NDUFAF2: variants seen among roughly 807,000 people sequenced by gnomAD.
The protein encoded by NDUFAF2 is NADH dehydrogenase [ubiquinone] 1 alpha subcomplex assembly factor 2.
A neutral mutation model predicts 22.8 loss-of-function variants in NDUFAF2; 13 were observed. The observed-to-expected ratio is 0.57, with a 90% CI of 0.37 to 0.91. The LOEUF (loss-of-function observed/expected upper bound fraction) is 0.91, where lower values mean the gene tolerates loss of function less well. Among genes scored for constraint, NDUFAF2 ranks in the 40% least tolerant of loss-of-function variants. The probability of loss-of-function intolerance (pLI) is 0.01; values close to 1 mark genes in which losing one functional copy is unlikely to be tolerated. For missense variants in NDUFAF2, 162 were observed against 195.2 expected (o/e 0.83, Z 1.01); for synonymous variants, 53 against 64.2 (o/e 0.83, Z 0.84).
At chr5:61,125,114 A>G (rs1010833676) in intron 3 of NDUFAF2, among the ~76,000 whole-genome samples, 6 of 152,152 alleles carry the variant, frequency 3.9e-5, no homozygotes, top group South Asian at 2.1e-4. Flanking sequence ...GAGGATTACA[A>G]TTGAACATCA....
At chr5:60,950,821 AT>A (rs1349262992) in intron 1 of NDUFAF2, among the ~76,000 whole-genome samples, 1 of 152,058 alleles carries the variant, frequency 6.6e-6, no homozygotes, top group Non-Finnish European at 1.5e-5. Context: ...AATATCTTGC[AT>A]TAATGTGTCC....
intron 1 of NDUFAF2, among the ~76,000 whole-genome samples, chr5:60,968,776 T>C (rs1750790450): frequency 6.6e-6 from 1 of 152,068 alleles, no homozygotes; most frequent in African/African-American, 2.4e-5. Flanking sequence ...TGTCACCCTG[T>C]TGTGCTATCA....
At chr5:61,094,572 C>T (rs1398973399) in intron 2 of NDUFAF2, among the ~76,000 whole-genome samples, 1 of 152,230 alleles carries the variant, frequency 6.6e-6, no homozygotes, top group African/African-American at 2.4e-5. Flanking sequence ...GCCACTCTGG[C>T]TTTTTGAGTT....
At chr5:61,086,091 C>G (rs1218508735) in intron 2 of NDUFAF2, among the ~76,000 whole-genome samples, 1 of 151,688 alleles carries the variant, frequency 6.6e-6, no homozygotes, top group Non-Finnish European at 1.5e-5. Flanking sequence ...AGCTCTCCAG[C>G]CTGCGTGACA....
chr5:61,094,294 T>C (rs141052540), intron 2 of NDUFAF2, among the ~76,000 whole-genome samples: 1 of 152,184 alleles, frequency 6.6e-6, no homozygotes, highest in African/African-American at 2.4e-5. Context: ...ATACTTGTGA[T>C]TGCATTATGA....
intron 1 of NDUFAF2, among the ~76,000 whole-genome samples, chr5:61,048,421 G>T (rs1751982295): frequency 6.6e-6 from 1 of 152,148 alleles, no homozygotes; most frequent in Non-Finnish European, 1.5e-5. Context: ...CTTTAATCAG[G>T]TAGGATGCCT....
chr5:60,981,031 A>G (rs1750969999), intron 1 of NDUFAF2, among the ~76,000 whole-genome samples: 1 of 152,210 alleles, frequency 6.6e-6, no homozygotes, highest in Non-Finnish European at 1.5e-5. Context: ...CAAAGAGGTA[A>G]TAGAGAACTT....
intron 3 of NDUFAF2, among the ~76,000 whole-genome samples, chr5:61,102,454 G>A (rs1297668483): frequency 6.6e-6 from 1 of 151,958 alleles, no homozygotes; most frequent in East Asian, 1.9e-4. Flanking sequence ...AAATGGTTCT[G>A]GAATAACTTA....
At chr5:61,102,850 A>T (rs1752719395) in intron 3 of NDUFAF2, among the ~76,000 whole-genome samples, 1 of 152,060 alleles carries the variant, frequency 6.6e-6, no homozygotes, top group Non-Finnish European at 1.5e-5. Flanking sequence ...TCTGTAAGAC[A>T]CGTTTTAAGT....
intron 1 of NDUFAF2, among the ~76,000 whole-genome samples, chr5:60,952,530 T>A (rs977361286): frequency 6.6e-6 from 1 of 152,242 alleles, no homozygotes; most frequent in Admixed American, 6.5e-5. Context: ...TTTAATTCTA[T>A]TATATTCAGA....
At chr5:61,056,454 G>A (rs1752090482) in intron 1 of NDUFAF2, among the ~76,000 whole-genome samples, 1 of 152,152 alleles carries the variant, frequency 6.6e-6, no homozygotes, top group Admixed American at 6.5e-5. Context: ...GCCTTTTGGT[G>A]CAATCACAGC....
rs774619156 is a variant in NDUFAF2 at position 60,956,180 on chromosome 5, C to T, written c.127+10798C>T. On this transcript the variant is annotated intron_variant, in intron 1 of 3. Transcript: ENST00000296597. The stretch of plus-strand genomic sequence containing the variant: ...CCTCCCAAAGTGTTGGGATTATAGG[C>T]ATGAGCCACCATGCCTGGCCTCTAT... 7.9e-4 allele frequency among the ~76,000 whole-genome samples: 120 copies of T among 152,212 alleles called. 2 individuals are homozygous for T. Among genetic ancestry groups the T allele is most frequent in the Middle Eastern group, 3.4e-3 (1 of 294 alleles).
intron 1 of NDUFAF2, among the ~76,000 whole-genome samples, chr5:60,957,059 G>A (rs1161990763): frequency 6.6e-6 from 1 of 152,114 alleles, no homozygotes; most frequent in Non-Finnish European, 1.5e-5. Context: ...GCTTATAACT[G>A]AAGGGTGTTT....
At chr5:61,032,953 C>T (rs1751747282) in intron 1 of NDUFAF2, among the ~76,000 whole-genome samples, 1 of 152,102 alleles carries the variant, frequency 6.6e-6, no homozygotes. Flanking sequence ...CCTCTTTCTC[C>T]ACATCCTCTC....
At chr5:61,050,292 G>A (rs1347913961) in intron 1 of NDUFAF2, 1 of 152,068 alleles carries the variant, frequency 6.6e-6, no homozygotes, top group African/African-American at 2.4e-5. Context: ...TACTGGTTGT[G>A]AGGTGGAGTA....
At chr5:61,011,042 A>T (rs1347263455) in intron 1 of NDUFAF2, among the ~76,000 whole-genome samples, 2 of 152,082 alleles carry the variant, frequency 1.3e-5, no homozygotes, top group African/African-American at 2.4e-5. Flanking sequence ...ATGATTATGG[A>T]TCTGTCACCA....
intron 1 of NDUFAF2, among the ~76,000 whole-genome samples, chr5:61,019,245 G>C (rs535475387): frequency 3.3e-5 from 5 of 152,030 alleles, no homozygotes; most frequent in Non-Finnish European, 7.4e-5. Flanking sequence ...TGTATTATGG[G>C]GATAACAATA....
intron 1 of NDUFAF2, among the ~76,000 whole-genome samples, chr5:61,028,932 C>T (rs1372096318): frequency 6.6e-6 from 1 of 151,552 alleles, no homozygotes; most frequent in African/African-American, 2.4e-5. Context: ...TCCTGATGCT[C>T]AGTTTATGTG....
chr5:61,078,857 G>A (rs535947763), intron 2 of NDUFAF2, among the ~76,000 whole-genome samples: 1 of 152,232 alleles, frequency 6.6e-6, no homozygotes. Context: ...TTAATTCATG[G>A]CATTATTTGT....
Sources: allele counts gnomAD v4.1 joint callset (sites outside exome capture counted in the v4.1 genomes callset), GRCh38; gene constraint gnomAD v4.1.1; transcripts MANE v1.5; gene names NCBI Gene and HGNC (gene_info 2026-07-23, HGNC 2026-07-21).